The following MAST4 variants were observed in gnomAD, a reference collection of about 807,000 sequenced individuals.
The protein encoded by MAST4 is microtubule associated serine/threonine kinase family member 4, also known as microtubule-associated serine/threonine-protein kinase 4.
In MAST4, 89 loss-of-function variants were observed where a neutral mutation model predicts 162.7. The ratio of observed to expected loss-of-function variants is 0.55; its 90% CI spans 0.46 to 0.65. The LOEUF is 0.65. Among genes scored for constraint, MAST4 ranks in the 30% least tolerant of loss-of-function variants. MAST4 has a pLI of 0.00. For synonymous variants in MAST4, 1,479 were observed against 1,361.1 expected, an observed-to-expected ratio of 1.09 and a Z score of -1.91; for missense variants, 3,153 against 3,374.0, an observed-to-expected ratio of 0.93 and a Z score of 1.62.
At chr5:66,909,206 C>A (rs916934190) in intron 4 of MAST4, among the ~76,000 whole-genome samples, 5 of 152,112 alleles carry the variant, frequency 3.3e-5, no homozygotes, top group African/African-American at 1.2e-4. Context: ...TTGGATAGAT[C>A]TTTCACTTGT....
intron 1 of MAST4, among the ~76,000 whole-genome samples, chr5:66,677,759 G>T (rs947684129): frequency 6.6e-6 from 1 of 152,102 alleles, no homozygotes; most frequent in Non-Finnish European, 1.5e-5. Context: ...ATGGCAGGGT[G>T]ACTCCAGTAG....
chr5:66,861,564 G>A (rs975943548), intron 3 of MAST4, among the ~76,000 whole-genome samples: 1 of 152,218 alleles, frequency 6.6e-6, no homozygotes, highest in Non-Finnish European at 1.5e-5. Flanking sequence ...CACATGCTAT[G>A]TGAGCCCCAC....
chr5:67,070,024 C>T (rs1044330541), intron 5 of MAST4, among the ~76,000 whole-genome samples: 6 of 151,762 alleles, frequency 4.0e-5, no homozygotes, highest in African/African-American at 1.5e-4. Flanking sequence ...GTAAAAAGCC[C>T]ACTTCCTTGT....
intron 27 of MAST4, among the ~76,000 whole-genome samples, chr5:67,161,196 G>T (rs1053877670): frequency 6.6e-6 from 1 of 152,176 alleles, no homozygotes; most frequent in Admixed American, 6.5e-5. Context: ...CTCTCTGGGT[G>T]TGCCTCCTTT....
chr5:66,892,028 GCT>G (rs1762395885), intron 3 of MAST4, among the ~76,000 whole-genome samples: 1 of 152,176 alleles, frequency 6.6e-6, no homozygotes, highest in African/African-American at 2.4e-5. Flanking sequence ...TTTCTCGTTA[GCT>G]CTCTCGGACA....
At chr5:66,924,481 C>T (rs1764745182) in intron 4 of MAST4, among the ~76,000 whole-genome samples, 1 of 151,860 alleles carries the variant, frequency 6.6e-6, no homozygotes, top group African/African-American at 2.4e-5. Context: ...GCAAGCTCCG[C>T]CTCCCAGGTT....
At chr5:67,036,806 A>G (rs1461029735) in intron 4 of MAST4, among the ~76,000 whole-genome samples, 1 of 152,156 alleles carries the variant, frequency 6.6e-6, no homozygotes, top group Non-Finnish European at 1.5e-5. Context: ...ACAGAGACTG[A>G]TGTTTAATAT....
intron 1 of MAST4, among the ~76,000 whole-genome samples, chr5:66,690,688 A>G (rs1295137745): frequency 6.6e-6 from 1 of 152,220 alleles, no homozygotes; most frequent in Non-Finnish European, 1.5e-5. Context: ...CTTCTTATCT[A>G]GCACTGTTGA....
At position 67,166,252 on chromosome 5, in the gene MAST4, C is replaced by T. The variant is rs778372863; in HGVS notation, c.7073C>T (p.Pro2358Leu). The change falls in exon 29 of 29, where the codon CCG becomes CTG. Residue 2358 changes from proline to leucine, a missense_variant. Pro to Leu is a moderately conservative substitution (Grantham distance 98). Coordinates refer to ENST00000403625, the MANE Select transcript of MAST4 (RefSeq NM_001164664.2). Reference protein sequence around the residue: ...QTDNRQTDKSPSQPAANTDRR... With the variant: ...QTDNRQTDKSLSQPAANTDRR... ...GACAACAGACAGACAGACAAAAGCC[C>T]GAGTCAGCCGGCCGCCAACACCGAC... The T allele has an allele frequency of 5.1e-5, 79 of 1,552,738 alleles. No individual in the cohort carries two copies. Among genetic ancestry groups the T allele is most frequent in the Non-Finnish European group, 6.4e-5 (73 of 1,147,638 alleles).
intron 3 of MAST4, among the ~76,000 whole-genome samples, chr5:66,897,234 T>A (rs1224255975): frequency 6.6e-6 from 1 of 152,186 alleles, no homozygotes; most frequent in Admixed American, 6.5e-5. Flanking sequence ...ACTCCACATA[T>A]GTCAAGCACA....
At position 66,775,604 on chromosome 5, in the gene MAST4, G is replaced by A. The variant is rs537700663; in HGVS notation, c.518-13066G>A. The stretch of plus-strand genomic sequence containing the variant: ...GGCATTGTTTTGTGAAGCAATTGGC[G>A]GTTTGTTAGGATTTAATTCAGTGTG... On this transcript the variant is annotated intron_variant, in intron 2 of 28. Transcript: ENST00000403625. Among the ~76,000 whole-genome samples the A allele has an allele frequency of 1.0e-3, 154 of 152,246 alleles. 1 individual carries two copies. The highest frequency in any genetic ancestry group is 3.5e-3 in the African/African-American group (147 of 41,542).
intron 6 of MAST4, among the ~76,000 whole-genome samples, chr5:67,091,989 A>C (rs1037468415): frequency 6.6e-6 from 1 of 152,210 alleles, no homozygotes; most frequent in Non-Finnish European, 1.5e-5. Flanking sequence ...TCAAGTAAAC[A>C]GAACCCTGTG....
At chr5:67,012,863 GC>G (rs1200390902) in intron 4 of MAST4, among the ~76,000 whole-genome samples, 1 of 152,190 alleles carries the variant, frequency 6.6e-6, no homozygotes, top group Non-Finnish European at 1.5e-5. Context: ...TATTGGACAT[GC>G]CTATTTGAGA....
At chr5:66,771,097 G>C (rs1268759172) in intron 2 of MAST4, among the ~76,000 whole-genome samples, 1 of 152,202 alleles carries the variant, frequency 6.6e-6, no homozygotes, top group African/African-American at 2.4e-5. Context: ...ACATGCACCA[G>C]AGAGGAGGAT....
chr5:66,843,084 C>G (rs1322303499), intron 3 of MAST4, among the ~76,000 whole-genome samples: 1 of 152,120 alleles, frequency 6.6e-6, no homozygotes, highest in Non-Finnish European at 1.5e-5. Context: ...CTACCACTGT[C>G]TTTTAAATCT....
chr5:66,817,835 A>G (rs1756804813), intron 3 of MAST4, among the ~76,000 whole-genome samples: 1 of 152,210 alleles, frequency 6.6e-6, no homozygotes, highest in Non-Finnish European at 1.5e-5. Flanking sequence ...GAGGGACTTT[A>G]TATCAGTGTA....
intron 4 of MAST4, among the ~76,000 whole-genome samples, chr5:66,960,842 T>C (rs561386430): frequency 5.3e-5 from 8 of 152,326 alleles, no homozygotes; most frequent in African/African-American, 1.9e-4. Flanking sequence ...CATTTTATGA[T>C]TAGAAGGACT....
At chr5:67,125,644 G>C (rs1768135448) in intron 14 of MAST4, among the ~76,000 whole-genome samples, 1 of 152,068 alleles carries the variant, frequency 6.6e-6, no homozygotes, top group South Asian at 2.1e-4. Context: ...TCCTTATCCA[G>C]TCTATCATTG....
intron 18 of MAST4, 98 bp downstream of exon 18, chr5:67,134,786 C>A: frequency 1.0e-6 from 1 of 1,002,384 alleles, no homozygotes; most frequent in Non-Finnish European, 1.5e-6. Flanking sequence ...AAAATGTTAA[C>A]CTTTATCAAA....
Sources: gnomAD v4.1 joint callset for allele counts (sites outside exome capture counted in the v4.1 genomes callset) on GRCh38, gnomAD v4.1.1 for gene constraint, MANE v1.5 for transcripts, NCBI Gene and HGNC (gene_info 2026-07-23, HGNC 2026-07-21) for gene names.